Variants in TCF12 observed in about 807,000 individuals in gnomAD.
TCF12 encodes the protein DNA-binding protein HTF4.
In TCF12, 45 loss-of-function variants were observed where a neutral mutation model predicts 86.0. The ratio of observed to expected loss-of-function variants is 0.52; its 90% CI spans 0.41 to 0.67. The LOEUF (loss-of-function observed/expected upper bound fraction) is 0.67, where lower values mean the gene tolerates loss of function less well. TCF12 is among the 30% of genes least tolerant of loss of function. The probability of loss-of-function intolerance (pLI) is 0.00; values close to 1 mark genes in which losing one functional copy is unlikely to be tolerated. For missense variants in TCF12, 881 were observed against 859.9 expected (o/e 1.02, Z -0.31); for synonymous variants, 330 against 299.6 (o/e 1.10, Z -1.05).
chr15:57,044,733 T>A (rs2067120862), intron 3 of TCF12, among the ~76,000 whole-genome samples: 1 of 152,186 alleles, frequency 6.6e-6, no homozygotes, highest in Admixed American at 6.5e-5. Flanking sequence ...AAGACTGTGT[T>A]TAGGATGACA....
At position 57,253,451 on chromosome 15, in the gene TCF12, A is replaced by G; in HGVS notation, c.1450A>G (p.Ser484Gly). ...NYGGSSLVASSRSASMVGTHR... is the reference protein window; with the variant it reads ...NYGGSSLVASGRSASMVGTHR... Reference sequence around the variant, plus strand: ...TGGAGGATCAAGCCTTGTTGCAAGCAGTCGATCAGCTTCAATGGTAAAATC... The same window carrying G: ...TGGAGGATCAAGCCTTGTTGCAAGCGGTCGATCAGCTTCAATGGTAAAATC... Residue 484 changes from serine (S) to glycine (G), a missense_variant, in exon 16 of 21, where the codon AGT becomes GGT. By Grantham distance (56) the Ser-to-Gly change is moderately conservative. Coordinates refer to ENST00000333725, the MANE Select transcript of TCF12 (RefSeq NM_207037.2). 1.2e-6 allele frequency: 2 copies of G among 1,614,102 alleles called. No homozygotes were observed. The highest frequency in any genetic ancestry group is 4.5e-5 in the East Asian group (2 of 44,868).
intron 8 of TCF12, chr15:57,219,719 T>TTTA: frequency 4.9e-6 from 3 of 608,140 alleles, no homozygotes; most frequent in Non-Finnish European, 7.5e-6. Context: ...ATTGTAGATT[T>TTTA]CTTTTTTTTT....
At chr15:57,011,811 TCTGTGGGCAGA>T (rs2064848755) in intron 3 of TCF12, among the ~76,000 whole-genome samples, 1 of 151,962 alleles carries the variant, frequency 6.6e-6, no homozygotes, top group Non-Finnish European at 1.5e-5. Flanking sequence ...TTACAGAGAG[TCTGTGGGCAGA>T]CTTTCCATCA....
intron 5 of TCF12, among the ~76,000 whole-genome samples, chr15:57,114,854 A>AAT (rs1257195879): frequency 6.6e-6 from 1 of 152,192 alleles, no homozygotes; most frequent in Non-Finnish European, 1.5e-5. Flanking sequence ...GGCATTAAGA[A>AAT]ATATATATTG....
chr15:56,948,132 T>A lies in TCF12; in HGVS notation c.148+27034T>A, dbSNP rs189695469. 6.6e-3 allele frequency among the ~76,000 whole-genome samples: 1,008 copies of A among 152,154 alleles called. 8 individuals are homozygous for A. The highest frequency in any genetic ancestry group is 0.014 in the African/African-American group (573 of 41,488). The stretch of plus-strand genomic sequence containing the variant: ...GCGTACAAAAATACCTTTTTTTTTT[T>A]ATTTTTTGAGATGGGATCTCACTCT... On this transcript the variant is annotated intron_variant, in intron 3 of 20. Coordinates refer to ENST00000333725, the MANE Select transcript of TCF12 (RefSeq NM_207037.2).
intron 6 of TCF12, among the ~76,000 whole-genome samples, chr15:57,186,967 G>A (rs1213040792): frequency 1.3e-5 from 2 of 152,124 alleles, no homozygotes; most frequent in African/African-American, 4.8e-5. Context: ...GATCACTTGA[G>A]GCCAGGAGTT....
chr15:57,059,587 G>A (rs1010067270), intron 3 of TCF12, among the ~76,000 whole-genome samples: 2 of 152,038 alleles, frequency 1.3e-5, no homozygotes, highest in African/African-American at 4.8e-5. Context: ...AGAAGGAACT[G>A]GTGTTCATGT....
chr15:57,058,082 T>C (rs2068169335), intron 3 of TCF12, among the ~76,000 whole-genome samples: 1 of 152,136 alleles, frequency 6.6e-6, no homozygotes, highest in Admixed American at 6.6e-5. Flanking sequence ...GGAATGTCTG[T>C]TCAGACAGTC....
chr15:56,994,597 G>A (rs530198538), intron 3 of TCF12, among the ~76,000 whole-genome samples: 1 of 151,998 alleles, frequency 6.6e-6, no homozygotes, highest in African/African-American at 2.4e-5. Context: ...TTGCTCCTTG[G>A]GGGGAGCAAT....
intron 19 of TCF12, 134 bp from the exon 20 acceptor site, chr15:57,282,311 A>G (rs2061727327): frequency 9.8e-7 from 1 of 1,017,752 alleles, no homozygotes; most frequent in Non-Finnish European, 1.5e-6. Context: ...GTTTTATGTG[A>G]GCACATTGTT....
At chr15:57,072,355 G>T (rs1469543900) in intron 4 of TCF12, among the ~76,000 whole-genome samples, 1 of 152,164 alleles carries the variant, frequency 6.6e-6, no homozygotes, top group African/African-American at 2.4e-5. Context: ...TATTAAAACA[G>T]ATTGTTTGAT....
rs1272123805 is a variant in TCF12 at position 57,289,692 on chromosome 15, C to T, written c.*3547C>T. The T allele has an allele frequency of 6.6e-6, 1 of 151,956 alleles. No individual in the cohort carries two copies. The highest frequency in any genetic ancestry group is 6.6e-5 in the Admixed American group (1 of 15,244). The allele number at this position is 151,956 out of a possible 1,614,324, so 9.4% of individuals were successfully genotyped here. On this transcript the variant is annotated 3_prime_UTR_variant, in exon 21 of 21. Transcript: ENST00000333725. The stretch of plus-strand genomic sequence containing the variant: ...ATAGTCCTCGATTCAAATCTAAGCT[C>T]AACATCTGATTAACTTCATTTTCCT...
intron 3 of TCF12, among the ~76,000 whole-genome samples, chr15:57,036,089 G>A (rs1418450763): frequency 2.1e-5 from 3 of 145,832 alleles, no homozygotes; most frequent in Non-Finnish European, 4.5e-5. Context: ...GTTGGAGACT[G>A]CTGCCTTGAC....
At chr15:57,145,933 A>G (rs1299681299) in intron 5 of TCF12, among the ~76,000 whole-genome samples, 1 of 152,224 alleles carries the variant, frequency 6.6e-6, no homozygotes, top group Non-Finnish European at 1.5e-5. Context: ...TGCAAGTTCT[A>G]GTTCAGATCA....
At chr15:56,949,977 AG>A (rs2061190568) in intron 3 of TCF12, among the ~76,000 whole-genome samples, 1 of 152,236 alleles carries the variant, frequency 6.6e-6, no homozygotes, top group South Asian at 2.1e-4. Context: ...AGTAGCCATT[AG>A]CAATATGTGG....
intron 3 of TCF12, among the ~76,000 whole-genome samples, chr15:57,002,225 G>C (rs139934784): frequency 1.3e-5 from 2 of 152,290 alleles, no homozygotes; most frequent in Non-Finnish European, 1.5e-5. Context: ...TGGGGTGGGA[G>C]TTGTTGGGGG....
intron 6 of TCF12, among the ~76,000 whole-genome samples, chr15:57,173,342 T>C (rs1349530540): frequency 6.6e-6 from 1 of 152,094 alleles, no homozygotes; most frequent in Admixed American, 6.5e-5. Context: ...CCTAAGAACT[T>C]AGCTAGAAAA....
At chr15:57,086,881 A>G (rs185681850) in intron 4 of TCF12, among the ~76,000 whole-genome samples, 524 of 152,292 alleles carry the variant, frequency 3.4e-3, no homozygotes, top group Non-Finnish European at 5.5e-3. Context: ...ATGATACTCT[A>G]TAAATTGGAT....
intron 19 of TCF12, among the ~76,000 whole-genome samples, chr15:57,273,696 G>A (rs374890398): frequency 5.3e-5 from 8 of 152,056 alleles, no homozygotes; most frequent in Non-Finnish European, 1.2e-4. Flanking sequence ...TTAATAGGAT[G>A]CCTTGTTATC....
Sources: gnomAD v4.1 joint callset for allele counts (sites outside exome capture counted in the v4.1 genomes callset) on GRCh38, gnomAD v4.1.1 for gene constraint, MANE v1.5 for transcripts, NCBI Gene and HGNC (gene_info 2026-07-23, HGNC 2026-07-21) for gene names.